Variants in ROR1 observed in about 807,000 individuals in gnomAD.
The protein encoded by ROR1 is ROR family WNT receptor 1, also known as inactive tyrosine-protein kinase transmembrane receptor ROR1.
A neutral mutation model predicts 78.8 loss-of-function variants in ROR1; 19 were observed. The observed-to-expected ratio is 0.24, with a 90% CI of 0.17 to 0.35. The LOEUF (loss-of-function observed/expected upper bound fraction) is 0.35, where lower values mean the gene tolerates loss of function less well. ROR1 is among the 10% of genes least tolerant of loss of function. ROR1 has a pLI of 1.00. For synonymous variants in ROR1, 386 were observed against 433.6 expected (o/e 0.89, Z 1.36); for missense variants, 917 against 1,177.8 (o/e 0.78, Z 3.24).
chr1:63,957,589 A>G (rs1300014955), intron 1 of ROR1, among the ~76,000 whole-genome samples: 1 of 152,130 alleles, frequency 6.6e-6, no homozygotes, highest in African/African-American at 2.4e-5. Context: ...TGGAAAGCAC[A>G]TGGGTTGCAT....
intron 1 of ROR1, among the ~76,000 whole-genome samples, chr1:63,959,364 C>T (rs752790340): frequency 2.0e-5 from 3 of 152,132 alleles, no homozygotes; most frequent in Non-Finnish European, 2.9e-5. Flanking sequence ...CAAGATGATA[C>T]TGGGTAGACA....
At chr1:64,150,452 G>T (rs1649589176) in intron 7 of ROR1, among the ~76,000 whole-genome samples, 1 of 152,222 alleles carries the variant, frequency 6.6e-6, no homozygotes, top group African/African-American at 2.4e-5. Flanking sequence ...ACCATATTCT[G>T]CAACGTGGTG....
intron 1 of ROR1, among the ~76,000 whole-genome samples, chr1:63,818,561 G>C (rs963448415): frequency 2.0e-5 from 3 of 152,146 alleles, no homozygotes; most frequent in Non-Finnish European, 4.4e-5. Flanking sequence ...ATGGCCTGAT[G>C]GGAAGTAATT....
intron 7 of ROR1, among the ~76,000 whole-genome samples, chr1:64,157,192 C>T (rs1420697448): frequency 1.3e-5 from 2 of 152,184 alleles, no homozygotes; most frequent in African/African-American, 4.8e-5. Flanking sequence ...GGCTGGAGTG[C>T]AGTGGCGCAA....
chr1:64,025,087 CA>C (rs2100561251), intron 2 of ROR1, among the ~76,000 whole-genome samples: 1 of 152,244 alleles, frequency 6.6e-6, no homozygotes, highest in Non-Finnish European at 1.5e-5. Flanking sequence ...CCAAGATGAT[CA>C]AAACAGTCAC....
intron 7 of ROR1, among the ~76,000 whole-genome samples, chr1:64,149,450 T>A (rs544631170): frequency 6.6e-6 from 1 of 152,180 alleles, no homozygotes; most frequent in Non-Finnish European, 1.5e-5. Context: ...CCCATTGATA[T>A]TCTTATTTGC....
intron 1 of ROR1, among the ~76,000 whole-genome samples, chr1:64,008,333 A>G (rs1200412943): frequency 6.6e-6 from 1 of 152,218 alleles, no homozygotes; most frequent in East Asian, 1.9e-4. Flanking sequence ...CATGGTATAT[A>G]TGTACCACAT....
chr1:63,885,897 T>C (rs904509360), intron 1 of ROR1, among the ~76,000 whole-genome samples: 4 of 152,146 alleles, frequency 2.6e-5, no homozygotes, highest in Non-Finnish European at 5.9e-5. Flanking sequence ...CCAAGCACAT[T>C]ACGTTTATTT....
intron 1 of ROR1, among the ~76,000 whole-genome samples, chr1:63,806,316 A>AATTTTTTTT (rs1553133293): frequency 2.3e-5 from 2 of 87,264 alleles, no homozygotes; most frequent in Non-Finnish European, 4.9e-5. Context: ...CTGTCAGACT[A>AATTTTTTTT]TTTTTTTTTT....
rs115908347 is a variant in ROR1, at chr1:64,038,574, A to G, written c.164-11117A>G. 3.6e-3 allele frequency among the ~76,000 whole-genome samples: 546 copies of G among 152,136 alleles called. 4 individuals carry two copies. Among genetic ancestry groups the G allele is most frequent in the African/African-American group, 0.013 (528 of 41,518 alleles). On this transcript the variant is annotated intron_variant, in intron 2 of 8. Transcript: ENST00000371079. ...TTGCAAGGTGTTACCTCCTTTGGAAACCCTTCTCTGACACCTCTGGCCTGG... is the reference window on the plus strand; with the variant it reads ...TTGCAAGGTGTTACCTCCTTTGGAAGCCCTTCTCTGACACCTCTGGCCTGG...
At chr1:63,892,798 C>G (rs560199525) in intron 1 of ROR1, among the ~76,000 whole-genome samples, 1 of 152,182 alleles carries the variant, frequency 6.6e-6, no homozygotes, top group Admixed American at 6.5e-5. Context: ...GACTTGAGGC[C>G]CTTCTAGCTA....
intron 1 of ROR1, among the ~76,000 whole-genome samples, chr1:63,911,836 C>T (rs1250008920): frequency 6.6e-6 from 1 of 152,106 alleles, no homozygotes; most frequent in Non-Finnish European, 1.5e-5. Context: ...TGCTGAGGGG[C>T]ATGGGGAAGG....
chr1:63,799,538 T>C (rs901282768), intron 1 of ROR1, among the ~76,000 whole-genome samples: 1 of 152,202 alleles, frequency 6.6e-6, no homozygotes, highest in Non-Finnish European at 1.5e-5. Context: ...CAATTCTGCT[T>C]TTTTCCCATT....
At chr1:63,823,559 C>T (rs1178212791) in intron 1 of ROR1, among the ~76,000 whole-genome samples, 1 of 145,920 alleles carries the variant, frequency 6.9e-6, no homozygotes, top group Non-Finnish European at 1.5e-5. Flanking sequence ...AAGTGATCTT[C>T]CTGCCTCAGC....
At chr1:63,834,464 G>A (rs1015806299) in intron 1 of ROR1, among the ~76,000 whole-genome samples, 21 of 152,170 alleles carry the variant, frequency 1.4e-4, no homozygotes, top group African/African-American at 5.1e-4. Context: ...GTAGTCATAG[G>A]AGGGGTACTG....
At chr1:64,072,968 G>T (rs573225326) in intron 4 of ROR1, among the ~76,000 whole-genome samples, 3 of 152,076 alleles carry the variant, frequency 2.0e-5, no homozygotes, top group Admixed American at 2.0e-4. Context: ...TAGTTGTGAT[G>T]AAAAAACAAG....
intron 2 of ROR1, among the ~76,000 whole-genome samples, chr1:64,017,434 A>G (rs1281185093): frequency 6.6e-6 from 1 of 152,170 alleles, no homozygotes; most frequent in Non-Finnish European, 1.5e-5. Flanking sequence ...AGGGAAAGGC[A>G]TTGGCAAGAT....
At chr1:64,164,702 A>G (rs1650037420) in intron 8 of ROR1, among the ~76,000 whole-genome samples, 1 of 152,134 alleles carries the variant, frequency 6.6e-6, no homozygotes, top group African/African-American at 2.4e-5. Context: ...TCACCCAGGT[A>G]TTAAGCCCAG....
At chr1:64,018,531 T>G (rs1232495364) in intron 2 of ROR1, among the ~76,000 whole-genome samples, 1 of 152,176 alleles carries the variant, frequency 6.6e-6, no homozygotes, top group Non-Finnish European at 1.5e-5. Context: ...TGCATGTATG[T>G]TCTTCCTCTT....
Sources: gnomAD v4.1 joint callset for allele counts (sites outside exome capture counted in the v4.1 genomes callset) on GRCh38, gnomAD v4.1.1 for gene constraint, MANE v1.5 for transcripts, NCBI Gene and HGNC (gene_info 2026-07-23, HGNC 2026-07-21) for gene names.